The following ARHGAP22 variants were observed in gnomAD, a reference collection of about 807,000 sequenced individuals.
ARHGAP22 encodes the protein Rho GTPase activating protein 22.
ARHGAP22 carries 48 observed loss-of-function variants against 59.1 expected under a neutral mutation model. That is an observed-to-expected ratio of 0.81 (90% CI 0.64 to 1.03). The LOEUF is 1.03. Ranked by LOEUF, ARHGAP22 falls within the 50% of genes least tolerant of loss-of-function variation. The pLI is 0.00. For synonymous variants in ARHGAP22, 445 were observed against 416.4 expected (o/e 1.07, Z -0.84); for missense variants, 1,015 against 958.7 (o/e 1.06, Z -0.78).
the ARHGAP22 span, chr10:48,435,136 A>T: frequency 6.9e-6 from 6 of 872,914 alleles, no homozygotes; most frequent in Non-Finnish European, 1.0e-5. Context: ...TTTTCAAAAA[A>T]TGTAGAATTC....
At chr10:48,479,422 T>C (rs1410515756) in intron 4 of ARHGAP22, among the ~76,000 whole-genome samples, 8 of 152,268 alleles carry the variant, frequency 5.3e-5, no homozygotes, top group Non-Finnish European at 1.2e-4. Flanking sequence ...AGATGTCTAA[T>C]ACACAGTTTT....
At chr10:48,591,087 A>G (rs2059722511) in intron 1 of ARHGAP22, among the ~76,000 whole-genome samples, 1 of 152,146 alleles carries the variant, frequency 6.6e-6, no homozygotes, top group Non-Finnish European at 1.5e-5. Context: ...TATGGACACT[A>G]CAGTTCTGAG....
intron 4 of ARHGAP22, among the ~76,000 whole-genome samples, chr10:48,472,015 T>C (rs1036319715): frequency 6.6e-6 from 1 of 151,594 alleles, no homozygotes; most frequent in African/African-American, 2.4e-5. Context: ...GAGACCAGCC[T>C]GGCCAAGATG....
At chr10:48,440,674 A>C in the ARHGAP22 span, among the ~76,000 whole-genome samples, 1 of 152,208 alleles carries the variant, frequency 6.6e-6, no homozygotes, top group Admixed American at 6.5e-5. Flanking sequence ...GAATTGAAAC[A>C]AGCTGAGGAT....
At chr10:48,506,120 C>G (rs1260000939) in intron 3 of ARHGAP22, among the ~76,000 whole-genome samples, 1 of 152,194 alleles carries the variant, frequency 6.6e-6, no homozygotes, top group Non-Finnish European at 1.5e-5. Context: ...GACCTCAGGG[C>G]CTCAGCAAAT....
chr10:48,468,145 C>G (rs1446041748), intron 4 of ARHGAP22, among the ~76,000 whole-genome samples: 1 of 152,304 alleles, frequency 6.6e-6, no homozygotes, highest in African/African-American at 2.4e-5. Context: ...AGGGTGAGTG[C>G]CTCCCACCCC....
intron 3 of ARHGAP22, among the ~76,000 whole-genome samples, chr10:48,487,570 G>A (rs538285796): frequency 1.3e-4 from 20 of 152,250 alleles, no homozygotes; most frequent in African/African-American, 4.8e-4. Context: ...GGTGGAGGAA[G>A]GGAGCCAGGA....
At chr10:48,514,813 A>G (rs2053131532) in intron 3 of ARHGAP22, among the ~76,000 whole-genome samples, 1 of 152,200 alleles carries the variant, frequency 6.6e-6, no homozygotes, top group African/African-American at 2.4e-5. Flanking sequence ...GTCAGGCAGC[A>G]GGGAGAACAA....
chr10:48,559,820 A>G (rs1357342919), intron 2 of ARHGAP22, among the ~76,000 whole-genome samples: 1 of 152,250 alleles, frequency 6.6e-6, no homozygotes, highest in African/African-American at 2.4e-5. Flanking sequence ...TAATCAATAT[A>G]AAATTATTAG....
chr10:48,549,353 A>G (rs1014051914), intron 3 of ARHGAP22, among the ~76,000 whole-genome samples: 1 of 152,246 alleles, frequency 6.6e-6, no homozygotes, highest in Non-Finnish European at 1.5e-5. Context: ...CTTTACCTGC[A>G]GTCACTTGGG....
At chr10:48,655,250 T>G (rs1305585181), upstream of ARHGAP22, among the ~76,000 whole-genome samples, 19 of 2,888 alleles carry the variant, frequency 6.6e-3, no homozygotes, top group Admixed American at 0.022. Flanking sequence ...GATGTGTGTG[T>G]GTGTGTGGGG....
At chr10:48,492,855 A>G (rs2050541169) in intron 3 of ARHGAP22, among the ~76,000 whole-genome samples, 2 of 152,232 alleles carry the variant, frequency 1.3e-5, no homozygotes, top group Non-Finnish European at 2.9e-5. Context: ...CCAAAAATAA[A>G]TTACTTTCAA....
At chr10:48,495,659 CTT>C in intron 3 of ARHGAP22, among the ~76,000 whole-genome samples, 1 of 152,338 alleles carries the variant, frequency 6.6e-6, no homozygotes, top group Non-Finnish European at 1.5e-5. Flanking sequence ...TAGTCAGACT[CTT>C]GTGTAATTAC....
At chr10:48,566,895 C>T (rs2058077961) in intron 2 of ARHGAP22, among the ~76,000 whole-genome samples, 1 of 152,206 alleles carries the variant, frequency 6.6e-6, no homozygotes, top group Admixed American at 6.5e-5. Context: ...ACAGCTCAGG[C>T]CCTGAGCCTG....
In ARHGAP22 at chr10:48,453,407, C is replaced by G; in HGVS notation, c.885G>C (p.Gln295His). 1 of 1,613,914 alleles carries G rather than the reference C, an allele frequency of 6.2e-7. No individual in the cohort carries two copies. Among genetic ancestry groups the G allele is most frequent in the Non-Finnish European group, 8.5e-7 (1 of 1,179,922 alleles). ...TCATCTTGTTGACATTTGAGTATGC[C>G]TGAACTTCATCCAGAAACCTGCAAA... ...RYICKFLDEV[Q>H]AYSNVNKMSV... Residue 295 changes from glutamine to histidine, a missense_variant, in exon 8 of 10, where the codon CAG (glutamine) becomes CAC (histidine). Coordinates refer to ENST00000249601, the MANE Select transcript of ARHGAP22 (RefSeq NM_021226.4).
chr10:48,583,082 C>T lies in ARHGAP22; in HGVS notation c.105G>A (p.Leu35=). The T allele has an allele frequency of 6.2e-7, 1 of 1,614,296 alleles. No homozygotes were observed. The highest frequency in any genetic ancestry group is 1.7e-5 in the Admixed American group (1 of 60,034). ...SPGRMPCPHR[L]GPVLKAGWLK... ...GCCAGCCCGCCTTCAGCACGGGGCC[C>T]AGCCTGTGAGGGCACGGCATCCGCC... The change falls in exon 2 of 10, where the codon CTG becomes CTA. Residue 35 remains leucine, a synonymous_variant. Transcript: ENST00000249601.
chr10:48,609,952 T>A (rs2060819346), upstream of ARHGAP22, among the ~76,000 whole-genome samples: 1 of 152,248 alleles, frequency 6.6e-6, no homozygotes, highest in African/African-American at 2.4e-5. Context: ...TGCTCCACTT[T>A]GGTGGCCTTG....
upstream of ARHGAP22, among the ~76,000 whole-genome samples, chr10:48,607,269 C>T (rs536589387): frequency 1.3e-5 from 2 of 152,324 alleles, no homozygotes; most frequent in East Asian, 3.9e-4. Context: ...GATATTAAGT[C>T]ACTGTGTTCA....
At chr10:48,435,071 T>C in the ARHGAP22 span, 1 of 1,423,518 alleles carries the variant, frequency 7.0e-7, no homozygotes, top group East Asian at 2.5e-5. Flanking sequence ...GGGAGTCGGT[T>C]AGTCATTGAT....
Sources: gnomAD v4.1 joint callset for allele counts (sites outside exome capture counted in the v4.1 genomes callset) on GRCh38, gnomAD v4.1.1 for gene constraint, MANE v1.5 for transcripts, NCBI Gene and HGNC (gene_info 2026-07-23, HGNC 2026-07-21) for gene names.